The following MAPK10 variants were observed in gnomAD, a reference collection of about 807,000 sequenced individuals.
MAPK10 encodes the protein JNK3 alpha protein kinase.
MAPK10 carries 25 observed loss-of-function variants against 59.3 expected under a neutral mutation model. The ratio of observed to expected loss-of-function variants is 0.42; its 90% confidence interval spans 0.31 to 0.59. The LOEUF is 0.59. Ranked by LOEUF, MAPK10 falls within the 20% of genes least tolerant of loss-of-function variation. MAPK10 has a pLI of 0.15. For synonymous variants in MAPK10, 190 were observed against 200.5 expected, an observed-to-expected ratio of 0.95 and a Z score of 0.44; for missense variants, 351 against 568.9, an observed-to-expected ratio of 0.62 and a Z score of 3.90.
At position 86,234,779 on chromosome 4, in the gene MAPK10, T is replaced by G. The variant is rs570230425; in HGVS notation, c.-6-40372A>C. On this transcript the variant is annotated intron_variant, in intron 2 of 13. Coordinates refer to ENST00000641462, the MANE Select transcript of MAPK10 (RefSeq NM_138982.4). ...AAAGTTTATAATAGTATAGAAACACTATGTTTTAAATTCAGGGGAAACTTA... is the reference window on the plus strand; with the variant it reads ...AAAGTTTATAATAGTATAGAAACACGATGTTTTAAATTCAGGGGAAACTTA... Among the ~76,000 whole-genome samples, 8 of 152,286 alleles carry G rather than the reference T, an allele frequency of 5.3e-5. 1 individual carries two copies. The East Asian group carries it at 1.5e-3, about 29-fold the overall frequency.
In MAPK10 at chr4:86,523,019, G is replaced by C. The variant is rs377202841; in HGVS notation, c.-263+70891C>G. 5.3e-5 allele frequency among the ~76,000 whole-genome samples: 8 copies of C among 152,286 alleles called. No homozygotes were observed. The East Asian group carries it at 1.3e-3, about 26-fold the overall frequency. ...ATTTTTTTGGACTGTTCTCCAGTTT[G>C]TGTCCTTTTGCAACATAAGTTCCTT... On this transcript the variant is annotated intron_variant, in intron 1 of 4. Transcript: ENST00000502302.
Position 86,067,940 on chromosome 4 carries a change from T to C in MAPK10, c.818A>G (p.Asn273Ser). The part of the protein sequence containing the change: ...FPGRDYIDQW[N>S]KVIEQLGTPC... ...TGTTCCTAGTTGTTCAATTACCTTA[T>C]TCCACTGGTCAATATCTGAGAATTG... Residue 273 changes from asparagine (N) to serine (S), a missense_variant, in exon 10 of 14, where the codon AAT becomes AGT. Asn to Ser is a conservative substitution (Grantham distance 46, BLOSUM62 1). Coordinates refer to ENST00000641462, the MANE Select transcript of MAPK10 (RefSeq NM_138982.4). The C allele has an allele frequency of 6.2e-7, 1 of 1,610,136 alleles. No individual in the cohort carries two copies.
chr4:86,295,045 C>T (rs1690774594), intron 2 of MAPK10, among the ~76,000 whole-genome samples: 1 of 152,170 alleles, frequency 6.6e-6, no homozygotes, highest in Non-Finnish European at 1.5e-5. Flanking sequence ...CTAAATAAGG[C>T]CTACATCAAA....
At chr4:86,589,490 T>A (rs1762868712) in intron 1 of MAPK10, among the ~76,000 whole-genome samples, 1 of 152,118 alleles carries the variant, frequency 6.6e-6, no homozygotes. Context: ...GAGACCAGCC[T>A]GGCCAACATG....
intron 1 of MAPK10, among the ~76,000 whole-genome samples, chr4:86,518,635 T>G (rs1356889338): frequency 6.6e-6 from 1 of 152,010 alleles, no homozygotes; most frequent in African/African-American, 2.4e-5. Context: ...ATCTTTGTTT[T>G]TTTTTTTTTC....
At chr4:86,068,426 TTAAGA>T (rs1468399233) in intron 9 of MAPK10, among the ~76,000 whole-genome samples, 2 of 152,152 alleles carry the variant, frequency 1.3e-5, no homozygotes, top group South Asian at 2.1e-4. Context: ...TAAACTATCT[TTAAGA>T]TATTTTTTCT....
chr4:86,135,226 G>C (rs1022114422), intron 4 of MAPK10, among the ~76,000 whole-genome samples: 1 of 152,208 alleles, frequency 6.6e-6, no homozygotes, highest in African/African-American at 2.4e-5. Flanking sequence ...CTCCACCTCT[G>C]GGGGCAGGGC....
At chr4:86,240,403 T>G (rs2092635740) in intron 2 of MAPK10, among the ~76,000 whole-genome samples, 1 of 152,224 alleles carries the variant, frequency 6.6e-6, no homozygotes, top group Non-Finnish European at 1.5e-5. Flanking sequence ...CAAATATCCT[T>G]GTTAATTTTC....
At chr4:86,580,869 G>C (rs1762215958) in intron 1 of MAPK10, among the ~76,000 whole-genome samples, 1 of 152,134 alleles carries the variant, frequency 6.6e-6, no homozygotes, top group South Asian at 2.1e-4. Context: ...TGTACACCAA[G>C]TTAACCCCAA....
intron 3 of MAPK10, among the ~76,000 whole-genome samples, chr4:86,171,353 CTT>C (rs1581833071): frequency 6.6e-6 from 1 of 151,880 alleles, no homozygotes; most frequent in African/African-American, 2.4e-5. Context: ...AGAATCAAAA[CTT>C]TTGGTACTGG....
intron 1 of MAPK10, among the ~76,000 whole-genome samples, chr4:86,472,874 G>A (rs1334404249): frequency 3.3e-5 from 5 of 152,160 alleles, no homozygotes; most frequent in East Asian, 3.9e-4. Flanking sequence ...TACACAGGGC[G>A]TACCCCAGGG....
intron 1 of MAPK10, among the ~76,000 whole-genome samples, chr4:86,566,352 C>T (rs1210935936): frequency 1.3e-5 from 2 of 152,180 alleles, no homozygotes; most frequent in African/African-American, 2.4e-5. Flanking sequence ...TAGGAAATTA[C>T]TGGGCACAAA....
rs34741254 is a variant in MAPK10, at chr4:86,018,355, C to CAAA, written c.1253-988_1253-986dup. The stretch of plus-strand genomic sequence containing the variant: ...TAAGTAGGACTGTTGATGAAAGTTA[C>CAAA]AAAAAAAAAAAAAATAGGAGAAGCC... On this transcript the variant is annotated intron_variant, in intron 13 of 13. Coordinates refer to ENST00000641462, the MANE Select transcript of MAPK10 (RefSeq NM_138982.4). 1.8e-4 allele frequency among the ~76,000 whole-genome samples: 26 copies of CAAA among 140,954 alleles called. No individual in the cohort carries two copies. The Middle Eastern group carries it at 0.015, about 82-fold the overall frequency. The allele number at this position is 140,954 out of a possible 152,430, so 92.5% of individuals were successfully genotyped here.
At chr4:86,505,438 T>G (rs1755671795) in intron 1 of MAPK10, among the ~76,000 whole-genome samples, 2 of 151,942 alleles carry the variant, frequency 1.3e-5, no homozygotes, top group Non-Finnish European at 2.9e-5. Context: ...TAGAGAGACC[T>G]CATCTCTACT....
intron 2 of MAPK10, among the ~76,000 whole-genome samples, chr4:86,295,254 G>C (rs34448816): frequency 3.3e-5 from 5 of 151,932 alleles, no homozygotes; most frequent in African/African-American, 1.2e-4. Flanking sequence ...CCTGGAGGAT[G>C]CTCTCCCAGA....
chr4:86,102,220 T>C (rs969951656), intron 6 of MAPK10, 188 bp from the exon 7 acceptor site: 7 of 471,824 alleles, frequency 1.5e-5, no homozygotes, highest in East Asian at 3.0e-5. Flanking sequence ...AAAAGGTTGC[T>C]AGTAGAAAAA....
At chr4:86,255,390 T>TC (rs1268345427) in intron 2 of MAPK10, among the ~76,000 whole-genome samples, 1 of 152,184 alleles carries the variant, frequency 6.6e-6, no homozygotes, top group Non-Finnish European at 1.5e-5. Flanking sequence ...CTCTCACTCT[T>TC]CTTCATCAAT....
intron 1 of MAPK10, among the ~76,000 whole-genome samples, chr4:86,529,377 C>T (rs1757701558): frequency 6.6e-6 from 1 of 152,100 alleles, no homozygotes; most frequent in Non-Finnish European, 1.5e-5. Flanking sequence ...AGGACTTTAC[C>T]CCTATTTTGA....
chr4:86,257,600 T>C (rs2093802785), intron 2 of MAPK10, among the ~76,000 whole-genome samples: 1 of 152,202 alleles, frequency 6.6e-6, no homozygotes, highest in South Asian at 2.1e-4. Context: ...CCTCACGTGG[T>C]TGACCAGTTT....
Sources: allele counts gnomAD v4.1 joint callset (sites outside exome capture counted in the v4.1 genomes callset), GRCh38; gene constraint gnomAD v4.1.1; transcripts MANE v1.5; gene names NCBI Gene and HGNC (gene_info 2026-07-23, HGNC 2026-07-21).